Variants in PBX4 observed in about 807,000 individuals in gnomAD.
The protein encoded by PBX4 is PBX homeobox 4.
In PBX4, 26 loss-of-function variants were observed where a neutral mutation model predicts 35.1. The observed-to-expected ratio is 0.74, with a 90% CI of 0.54 to 1.03. The LOEUF is 1.03. Ranked by LOEUF, PBX4 falls within the 50% of genes least tolerant of loss-of-function variation. The pLI, the probability that PBX4 is intolerant of heterozygous loss-of-function variation, is 0.00. For synonymous variants in PBX4, 199 were observed against 204.2 expected (o/e 0.97, Z 0.22); for missense variants, 448 against 504.3 (o/e 0.89, Z 1.07).
chr19:19,580,758 A>G (rs2061448884), intron 2 of PBX4, among the ~76,000 whole-genome samples: 1 of 152,184 alleles, frequency 6.6e-6, no homozygotes, highest in South Asian at 2.1e-4. Context: ...GCTTAAAAGA[A>G]AAAACACCAG....
At chr19:19,608,435 GAACAA>G (rs1161684684) in intron 1 of PBX4, 1 of 151,938 alleles carries the variant, frequency 6.6e-6, no homozygotes, top group Non-Finnish European at 1.5e-5. Context: ...AAACAAAACA[GAACAA>G]AACAAACCAG....
In PBX4 at chr19:19,565,022, G is replaced by A. The variant is rs1440719062; in HGVS notation, c.836C>T (p.Ala279Val). The change falls in exon 6 of 8, where the codon GCT (alanine) becomes GTT (valine). Residue 279 changes from alanine to valine, a missense_variant. Transcript: ENST00000251203. ...KKNMGKFQEE[A>V]TIYTGKTAVD... ...AGCCGTTTTACCCGTGTAAATGGTA[G>A]CCTCTTCTTGAAACTTCCCCATGTT... The A allele has an allele frequency of 6.2e-7, 1 of 1,614,104 alleles. No homozygotes were observed. The highest frequency in any genetic ancestry group is 1.3e-5 in the African/African-American group (1 of 74,946).
At position 19,570,802 on chromosome 19, in the gene PBX4, A is replaced by T. The variant is rs775018508; in HGVS notation, c.225T>A (p.Asp75Glu). Residue 75 changes from aspartate to glutamate, a missense_variant, in exon 3 of 8, where the codon GAT becomes GAA. Asp to Glu is a conservative substitution (Grantham distance 45, BLOSUM62 2). Transcript: ENST00000251203. ...GCCTCAGGAGCTGGGCGTCAGGGGG[A>T]TCTTCGTCTTGAATGCCACGGATGC... ...VVSIRGIQDE[D>E]PPDAQLLRLD... 6.2e-7 allele frequency: 1 copy of T among 1,613,954 alleles called. No individual in the cohort carries two copies. Among genetic ancestry groups the T allele is most frequent in the Non-Finnish European group, 8.5e-7 (1 of 1,180,008 alleles).
At chr19:19,576,257 C>T (rs1224097344) in intron 2 of PBX4, among the ~76,000 whole-genome samples, 2 of 151,750 alleles carry the variant, frequency 1.3e-5, no homozygotes, top group Admixed American at 6.6e-5. Flanking sequence ...GACGAAGTCT[C>T]GCTCTGTTGC....
chr19:19,593,463 C>G (rs146810822), intron 2 of PBX4, among the ~76,000 whole-genome samples: 1 of 152,142 alleles, frequency 6.6e-6, no homozygotes, highest in Non-Finnish European at 1.5e-5. Context: ...GGAGCAGAAT[C>G]GAAATCCTGT....
chr19:19,586,583 G>A (rs143425288), intron 2 of PBX4, among the ~76,000 whole-genome samples: 1 of 151,856 alleles, frequency 6.6e-6, no homozygotes, highest in Admixed American at 6.6e-5. Flanking sequence ...TTCCAGATGT[G>A]CCAGGCAGCA....
intron 1 of PBX4, chr19:19,606,506 T>C (rs2061632126): frequency 6.6e-6 from 1 of 152,282 alleles, no homozygotes; most frequent in African/African-American, 2.4e-5. Flanking sequence ...AGCTAAGCTG[T>C]GCCCAGAATC....
intron 5 of PBX4, among the ~76,000 whole-genome samples, chr19:19,568,123 C>T (rs562372739): frequency 6.0e-5 from 9 of 148,902 alleles, no homozygotes; most frequent in Non-Finnish European, 1.3e-4. Flanking sequence ...ATCTGTATCC[C>T]TCAGGGAGCT....
chr19:19,613,433 G>A (rs1443419596), intron 1 of PBX4, among the ~76,000 whole-genome samples: 6 of 136,158 alleles, frequency 4.4e-5, no homozygotes, highest in Admixed American at 8.2e-5. Context: ...ACGCCAGAGC[G>A]AGACTCTGTC....
At chr19:19,569,683 A>C in intron 4 of PBX4, 99 bp from the exon 5 acceptor site, 1 of 1,453,210 alleles carries the variant, frequency 6.9e-7, no homozygotes, top group Non-Finnish European at 9.2e-7. Flanking sequence ...TTCTGAAAAC[A>C]GCAATCACTT....
chr19:19,569,120 G>A (rs1436834761), intron 5 of PBX4, among the ~76,000 whole-genome samples: 2 of 152,022 alleles, frequency 1.3e-5, no homozygotes, highest in Admixed American at 6.6e-5. Context: ...ATGCAGTGGC[G>A]CCATCATAGC....
chr19:19,590,232 C>T lies in PBX4; in HGVS notation c.193+9060G>A, dbSNP rs2086905370. On this transcript the variant is annotated intron_variant, in intron 2 of 7. Transcript: ENST00000251203. ...TATGAGCAGTCACTCTTTACGCCCC[C>T]TCCCTAGCCCCGGGACAACCACGAG... Among the ~76,000 whole-genome samples, 4 of 152,164 alleles carry T rather than the reference C, an allele frequency of 2.6e-5. No individual in the cohort carries two copies. The South Asian group carries it at 8.3e-4, about 32-fold the overall frequency.
intron 2 of PBX4, among the ~76,000 whole-genome samples, chr19:19,576,851 C>T (rs1397636053): frequency 1.3e-5 from 2 of 151,506 alleles, no homozygotes; most frequent in African/African-American, 2.4e-5. Context: ...TGTCCTCAAG[C>T]GAGCCTCCAC....
chr19:19,590,913 C>A (rs1021987395), intron 2 of PBX4, among the ~76,000 whole-genome samples: 2 of 152,202 alleles, frequency 1.3e-5, no homozygotes, highest in Admixed American at 1.3e-4. Context: ...TTATAGGAGG[C>A]ACCAGCCCTG....
At chr19:19,597,725 C>T (rs978276448) in intron 2 of PBX4, among the ~76,000 whole-genome samples, 5 of 152,162 alleles carry the variant, frequency 3.3e-5, no homozygotes, top group African/African-American at 7.2e-5. Flanking sequence ...AATCAAGTGA[C>T]ACGTTGTGCA....
At chr19:19,569,163 ATCCT>A (rs1288224642) in intron 5 of PBX4, among the ~76,000 whole-genome samples, 1 of 152,070 alleles carries the variant, frequency 6.6e-6, no homozygotes, top group African/African-American at 2.4e-5. Context: ...GGCTCAAGTG[ATCCT>A]TCCACCTCAG....
intron 2 of PBX4, among the ~76,000 whole-genome samples, chr19:19,571,253 G>A (rs1177696054): frequency 1.3e-5 from 2 of 152,210 alleles, no homozygotes; most frequent in Non-Finnish European, 2.9e-5. Flanking sequence ...CATTGGCAGC[G>A]TGGCTGGCCT....
At chr19:19,581,138 C>T (rs1259344947) in intron 2 of PBX4, among the ~76,000 whole-genome samples, 5 of 152,234 alleles carry the variant, frequency 3.3e-5, no homozygotes, top group Non-Finnish European at 5.9e-5. Flanking sequence ...ACACCAGCAT[C>T]CGCACATGGA....
chr19:19,610,551 G>A (rs192634925), intron 1 of PBX4, among the ~76,000 whole-genome samples: 1 of 152,212 alleles, frequency 6.6e-6, no homozygotes, highest in East Asian at 1.9e-4. Flanking sequence ...AGGAGTTCAA[G>A]ACCAGCCTGC....
Sources: allele counts gnomAD v4.1 joint callset (sites outside exome capture counted in the v4.1 genomes callset), GRCh38; gene constraint gnomAD v4.1.1; transcripts MANE v1.5; gene names NCBI Gene and HGNC (gene_info 2026-07-23, HGNC 2026-07-21).